Variants in KAT6A observed in about 807,000 individuals in gnomAD.
KAT6A encodes histone acetyltransferase KAT6A.
In KAT6A, 9 loss-of-function variants were observed where a neutral mutation model predicts 198.4. That is an observed-to-expected ratio of 0.05 (90% CI 0.03 to 0.08). The LOEUF (loss-of-function observed/expected upper bound fraction) is 0.08, where lower values mean the gene tolerates loss of function less well. Among genes scored for constraint, KAT6A ranks in the 10% least tolerant of loss-of-function variants. The pLI is 1.00. For synonymous variants in KAT6A, 890 were observed against 883.0 expected (o/e 1.01, Z -0.14); for missense variants, 2,077 against 2,509.9 (o/e 0.83, Z 3.69).
At chr8:42,050,727 G>C (rs181910453) in intron 1 of KAT6A, among the ~76,000 whole-genome samples, 109 of 152,272 alleles carry the variant, frequency 7.2e-4, no homozygotes, top group African/African-American at 2.6e-3. Flanking sequence ...TAAACTAAAT[G>C]AGAAGCTACA....
chr8:42,037,381 G>A (rs1827433142), intron 2 of KAT6A, among the ~76,000 whole-genome samples: 1 of 152,072 alleles, frequency 6.6e-6, no homozygotes, highest in Admixed American at 6.6e-5. Flanking sequence ...TTAAAGTACA[G>A]AATCACACTC....
At chr8:42,026,343 T>C (rs1826810407) in intron 2 of KAT6A, among the ~76,000 whole-genome samples, 1 of 152,218 alleles carries the variant, frequency 6.6e-6, no homozygotes, top group Non-Finnish European at 1.5e-5. Context: ...TTACATTTAA[T>C]CTGTAGATTG....
At chr8:41,958,083 A>G (rs558103764) in intron 8 of KAT6A, 37 of 152,272 alleles carry the variant, frequency 2.4e-4, no homozygotes, top group African/African-American at 8.9e-4. Flanking sequence ...GAATGTGGGG[A>G]GAAGAGATGG....
At chr8:41,943,084 G>A in intron 13 of KAT6A, 84 bp from the exon 14 acceptor site, 1 of 1,547,478 alleles carries the variant, frequency 6.5e-7, no homozygotes, top group East Asian at 2.3e-5. Context: ...CCCTGGTGAA[G>A]CATGTAAGAT....
intron 2 of KAT6A, among the ~76,000 whole-genome samples, chr8:42,036,771 T>C (rs139168783): frequency 2.6e-5 from 4 of 152,240 alleles, no homozygotes; most frequent in African/African-American, 9.6e-5. Context: ...CTCGCAACTA[T>C]ATACCACACA....
rs186436617 is a variant in KAT6A, at chr8:42,010,558, C to T, written c.601-22995G>A. 1.5e-3 allele frequency among the ~76,000 whole-genome samples: 228 copies of T among 152,242 alleles called. 2 individuals carry two copies. The highest frequency in any genetic ancestry group is 5.3e-3 in the African/African-American group (220 of 41,560). ...TTCTTCCACACACACGTAGGCAAGT[C>T]TCTTCACGATTCCAAACCCTCAGCC... On this transcript the variant is annotated intron_variant, in intron 2 of 16. Coordinates refer to ENST00000265713, the MANE Select transcript of KAT6A (RefSeq NM_006766.5).
intron 3 of KAT6A, among the ~76,000 whole-genome samples, chr8:41,983,205 T>C (rs1386994668): frequency 6.6e-6 from 1 of 152,214 alleles, no homozygotes; most frequent in Non-Finnish European, 1.5e-5. Context: ...TAAAAGTTGG[T>C]CGTGCTTATT....
At chr8:42,022,273 T>TA (rs1188371498) in intron 2 of KAT6A, among the ~76,000 whole-genome samples, 1 of 152,074 alleles carries the variant, frequency 6.6e-6, no homozygotes, top group Non-Finnish European at 1.5e-5. Context: ...ATACTGTACG[T>TA]AAAAAGTTAC....
At chr8:41,988,021 C>A (rs11990622) in intron 2 of KAT6A, among the ~76,000 whole-genome samples, 2,234 of 151,920 alleles carry the variant, frequency 0.015, 49 homozygotes, top group African/African-American at 0.051. Context: ...TCTAGCAGTA[C>A]GAAAAAGAAA....
chr8:41,939,524 T>C (rs2150860247), intron 15 of KAT6A, among the ~76,000 whole-genome samples: 2 of 152,262 alleles, frequency 1.3e-5, no homozygotes, highest in South Asian at 4.1e-4. Flanking sequence ...GAGTGACCAC[T>C]ATGCCCAGCT....
chr8:41,968,329 CTT>C (rs1564029179), intron 8 of KAT6A, among the ~76,000 whole-genome samples: 1 of 152,174 alleles, frequency 6.6e-6, no homozygotes, highest in African/African-American at 2.4e-5. Context: ...TGAACAGACA[CTT>C]CTCAAAAGAA....
intron 3 of KAT6A, among the ~76,000 whole-genome samples, chr8:41,985,502 G>A (rs1365600184): frequency 1.3e-5 from 2 of 152,186 alleles, no homozygotes; most frequent in Non-Finnish European, 2.9e-5. Flanking sequence ...ATTTTCTAAT[G>A]ATAAGCAAAG....
intron 2 of KAT6A, among the ~76,000 whole-genome samples, chr8:42,043,302 T>C (rs980863631): frequency 5.9e-5 from 9 of 152,172 alleles, no homozygotes; most frequent in East Asian, 3.8e-4. Context: ...TTTAAGCCAG[T>C]TACACACTCT....
chr8:41,996,747 C>CTTAG (rs1006676034), intron 2 of KAT6A, among the ~76,000 whole-genome samples: 1 of 152,196 alleles, frequency 6.6e-6, no homozygotes, highest in African/African-American at 2.4e-5. Flanking sequence ...GCCCCTTGAT[C>CTTAG]TTAGACTTCT....
intron 14 of KAT6A, 142 bp from the exon 15 acceptor site, chr8:41,941,586 T>C: frequency 1.2e-6 from 1 of 828,452 alleles, no homozygotes; most frequent in Non-Finnish European, 1.8e-6. Flanking sequence ...AACATGGATA[T>C]TTCCTGTTTC....
chr8:42,028,627 G>T (rs1826962002), intron 2 of KAT6A, among the ~76,000 whole-genome samples: 1 of 152,036 alleles, frequency 6.6e-6, no homozygotes, highest in South Asian at 2.1e-4. Context: ...TGTCTTCATA[G>T]GTGAAGTAAG....
At chr8:41,963,699 G>A (rs1823320112) in intron 8 of KAT6A, among the ~76,000 whole-genome samples, 1 of 152,126 alleles carries the variant, frequency 6.6e-6, no homozygotes, top group African/African-American at 2.4e-5. Context: ...CAAATATGAT[G>A]TCATCCACTT....
At chr8:42,013,968 T>C (rs1035860851) in intron 2 of KAT6A, among the ~76,000 whole-genome samples, 3 of 152,190 alleles carry the variant, frequency 2.0e-5, no homozygotes, top group African/African-American at 7.2e-5. Context: ...TCTGCCGCGG[T>C]ACCGTGAAAG....
intron 2 of KAT6A, among the ~76,000 whole-genome samples, chr8:42,019,338 T>C (rs543921213): frequency 1.4e-4 from 21 of 152,286 alleles, no homozygotes; most frequent in African/African-American, 5.1e-4. Flanking sequence ...CTTCAGTACA[T>C]TAGTATATTG....
Sources: gnomAD v4.1 joint callset for allele counts (sites outside exome capture counted in the v4.1 genomes callset) on GRCh38, gnomAD v4.1.1 for gene constraint, MANE v1.5 for transcripts, NCBI Gene and HGNC (gene_info 2026-07-23, HGNC 2026-07-21) for gene names.